Variants in KIF26B observed in about 807,000 individuals in gnomAD.
KIF26B encodes kinesin-like protein KIF26B.
Under a neutral mutation model 151.2 loss-of-function variants are expected in KIF26B, and 63 were observed. That is an observed-to-expected ratio of 0.42 (90% CI 0.34 to 0.51). KIF26B has a LOEUF of 0.51. Among genes scored for constraint, KIF26B ranks in the 20% least tolerant of loss-of-function variants. The pLI is 0.07. For synonymous variants in KIF26B, 1,357 were observed against 1,262.1 expected, an observed-to-expected ratio of 1.08 and a Z score of -1.59; for missense variants, 2,813 against 2,913.6, an observed-to-expected ratio of 0.97 and a Z score of 0.79.
chr1:245,424,217 G>A (rs553694520), intron 4 of KIF26B, among the ~76,000 whole-genome samples: 17 of 152,030 alleles, frequency 1.1e-4, no homozygotes, highest in African/African-American at 4.1e-4. Flanking sequence ...GTGCAGTGGC[G>A]CGATCTCCGC....
chr1:245,497,400 A>G (rs1377931799), intron 4 of KIF26B, among the ~76,000 whole-genome samples: 2 of 152,192 alleles, frequency 1.3e-5, no homozygotes, highest in African/African-American at 4.8e-5. Flanking sequence ...CTCATAAAGC[A>G]ATTCTTGACA....
At chr1:245,173,273 G>A (rs1668743931) in intron 2 of KIF26B, among the ~76,000 whole-genome samples, 1 of 152,200 alleles carries the variant, frequency 6.6e-6, no homozygotes, top group Non-Finnish European at 1.5e-5. Context: ...CATATGGAAG[G>A]TGGTGGTGGT....
chr1:245,248,458 G>C (rs1670377206), intron 2 of KIF26B, among the ~76,000 whole-genome samples: 1 of 152,158 alleles, frequency 6.6e-6, no homozygotes. Context: ...CACAGGTTTG[G>C]CCAGAGACTG....
At chr1:245,377,607 A>G (rs1355682096) in intron 3 of KIF26B, among the ~76,000 whole-genome samples, 2 of 152,230 alleles carry the variant, frequency 1.3e-5, no homozygotes, top group African/African-American at 2.4e-5. Context: ...ATAAGGTCAC[A>G]TTCTAAATAG....
intron 4 of KIF26B, among the ~76,000 whole-genome samples, chr1:245,480,544 T>C (rs1660143194): frequency 6.6e-6 from 1 of 151,682 alleles, no homozygotes; most frequent in African/African-American, 2.4e-5. Context: ...TAGGCCAGCT[T>C]GGTACCGTAT....
intron 2 of KIF26B, among the ~76,000 whole-genome samples, chr1:245,196,075 T>A (rs1184341875): frequency 6.6e-6 from 1 of 152,180 alleles, no homozygotes; most frequent in Non-Finnish European, 1.5e-5. Flanking sequence ...TTGTTTCTAG[T>A]GTTTTGTATG....
intron 2 of KIF26B, among the ~76,000 whole-genome samples, chr1:245,329,226 G>T (rs1296776375): frequency 6.6e-6 from 1 of 152,194 alleles, no homozygotes; most frequent in Non-Finnish European, 1.5e-5. Context: ...ATCAATTATT[G>T]TTTGTTGACT....
rs916001903 is a variant in KIF26B, at chr1:245,352,326, C to T, written c.466-14508C>T. Among the ~76,000 whole-genome samples, 3 of 152,166 alleles carry T rather than the reference C, an allele frequency of 2.0e-5. No individual in the cohort carries two copies. Among genetic ancestry groups the T allele is most frequent in the Admixed American group, 6.5e-5 (1 of 15,276 alleles). On this transcript the variant is annotated intron_variant, in intron 2 of 14. Transcript: ENST00000407071. The surrounding 1 kb of genome is among the most constrained non-coding windows in gnomAD (Gnocchi z 5.0). ...TCACTCAGACTGGAGGGCAATGGTGCGATCTCAGCTCACTGCAACCTCCGC... is the reference window on the plus strand; with the variant it reads ...TCACTCAGACTGGAGGGCAATGGTGTGATCTCAGCTCACTGCAACCTCCGC...
chr1:245,632,258 A>G (rs1008460855), intron 9 of KIF26B, among the ~76,000 whole-genome samples: 1 of 152,190 alleles, frequency 6.6e-6, no homozygotes, highest in Non-Finnish European at 1.5e-5. Context: ...TTAAGAAAAA[A>G]GATTTTATTT....
chr1:245,469,388 A>G (rs934320373), intron 4 of KIF26B, among the ~76,000 whole-genome samples: 6 of 152,320 alleles, frequency 3.9e-5, no homozygotes, highest in Non-Finnish European at 7.3e-5. Context: ...TTTAATGTAG[A>G]GATTTTGTGG....
At chr1:245,270,801 CT>C (rs1670844423) in intron 2 of KIF26B, among the ~76,000 whole-genome samples, 2 of 152,068 alleles carry the variant, frequency 1.3e-5, no homozygotes, top group South Asian at 2.1e-4. Flanking sequence ...TCTATTTTTG[CT>C]TTTGTTGGCA....
intron 5 of KIF26B, among the ~76,000 whole-genome samples, chr1:245,552,019 G>C (rs1363454066): frequency 6.6e-6 from 1 of 150,476 alleles, no homozygotes; most frequent in Non-Finnish European, 1.5e-5. Flanking sequence ...GTTCCCCTTT[G>C]AATCCAGAGC....
chr1:245,430,865 C>T (rs763163845), intron 4 of KIF26B, among the ~76,000 whole-genome samples: 3 of 152,100 alleles, frequency 2.0e-5, no homozygotes, highest in Admixed American at 6.5e-5. Context: ...TAGTAGGCAA[C>T]GCATAGGGAT....
chr1:245,242,643 GTT>G (rs1553337954), intron 2 of KIF26B, among the ~76,000 whole-genome samples: 1 of 108,928 alleles, frequency 9.2e-6, no homozygotes, highest in Non-Finnish European at 2.3e-5. Context: ...TATATATGTG[GTT>G]TTTTGTTTGT....
intron 2 of KIF26B, among the ~76,000 whole-genome samples, chr1:245,344,614 C>T (rs72761145): frequency 0.099 from 14,989 of 151,428 alleles, 1,280 homozygotes; most frequent in African/African-American, 0.22. Flanking sequence ...TGGAGTCCTT[C>T]TCTGCTTCAG....
At chr1:245,643,033 T>C (rs539741778) in intron 9 of KIF26B, among the ~76,000 whole-genome samples, 1 of 152,352 alleles carries the variant, frequency 6.6e-6, no homozygotes, top group Non-Finnish European at 1.5e-5. Flanking sequence ...TTTTGTCTAA[T>C]ATTGGTAGAT....
At chr1:245,454,068 A>G (rs1659458113) in intron 4 of KIF26B, among the ~76,000 whole-genome samples, 1 of 152,200 alleles carries the variant, frequency 6.6e-6, no homozygotes, top group Admixed American at 6.5e-5. Context: ...AAGGCCAATC[A>G]GTTGAAGTAG....
intron 2 of KIF26B, among the ~76,000 whole-genome samples, chr1:245,280,597 GT>G (rs74163033): frequency 0.49 from 50,476 of 103,668 alleles, 11,472 homozygotes; most frequent in East Asian, 0.61. Flanking sequence ...GGAAGTTTTC[GT>G]TTTTTTTTTT....
chr1:245,455,046 G>C (rs927319246), intron 4 of KIF26B, among the ~76,000 whole-genome samples: 3 of 152,128 alleles, frequency 2.0e-5, no homozygotes, highest in Admixed American at 1.3e-4. Flanking sequence ...TCAGCCTACT[G>C]CTTGCAAGCC....
Sources: gnomAD v4.1 joint callset for allele counts (sites outside exome capture counted in the v4.1 genomes callset) on GRCh38, gnomAD v4.1.1 for gene constraint, Gnocchi (gnomAD v3.1) non-coding constraint, MANE v1.5 for transcripts, NCBI Gene and HGNC (gene_info 2026-07-23, HGNC 2026-07-21) for gene names.